The following CDH18 variants were observed in gnomAD, a reference collection of about 807,000 sequenced individuals.
CDH18 encodes cadherin-18.
In CDH18, 31 loss-of-function variants were observed where a neutral mutation model predicts 67.9. The observed-to-expected ratio is 0.46, with a 90% CI of 0.34 to 0.62. CDH18 has a LOEUF of 0.62. Ranked by LOEUF, CDH18 falls within the 20% of genes least tolerant of loss-of-function variation. The pLI, the probability that CDH18 is intolerant of heterozygous loss-of-function variation, is 0.01. For missense variants in CDH18, 890 were observed against 975.5 expected (o/e 0.91, Z 1.17); for synonymous variants, 362 against 347.2 (o/e 1.04, Z -0.48).
At chr5:19,919,166 ACCC>A (rs953723163) in intron 2 of CDH18, among the ~76,000 whole-genome samples, 16 of 151,944 alleles carry the variant, frequency 1.1e-4, no homozygotes, top group African/African-American at 3.6e-4. Context: ...AGGGAGCTGC[ACCC>A]CCACTACACA....
intron 2 of CDH18, among the ~76,000 whole-genome samples, chr5:19,886,666 A>C (rs1788245942): frequency 6.6e-6 from 1 of 152,134 alleles, no homozygotes; most frequent in Non-Finnish European, 1.5e-5. Flanking sequence ...GGGTGGCCAC[A>C]CTTGTTTCAA....
intron 5 of CDH18, among the ~76,000 whole-genome samples, chr5:19,612,834 C>T (rs1749211843): frequency 6.6e-6 from 1 of 152,132 alleles, no homozygotes. Flanking sequence ...TATCTCTCTG[C>T]ATTCCTTAAA....
intron 2 of CDH18, among the ~76,000 whole-genome samples, chr5:19,889,977 TC>T (rs1788614462): frequency 6.6e-6 from 1 of 152,126 alleles, no homozygotes; most frequent in Non-Finnish European, 1.5e-5. Context: ...CATCTAAGAA[TC>T]TTCTGAAGAT....
intron 5 of CDH18, among the ~76,000 whole-genome samples, chr5:19,682,504 G>A (rs556621141): frequency 1.2e-4 from 18 of 152,018 alleles, no homozygotes; most frequent in East Asian, 1.2e-3. Context: ...TCCCATTGCT[G>A]AGTCACAGAG....
At chr5:20,002,702 T>C (rs1279048255) in intron 2 of CDH18, among the ~76,000 whole-genome samples, 4 of 152,164 alleles carry the variant, frequency 2.6e-5, no homozygotes, top group African/African-American at 9.7e-5. Context: ...TTTGCGGAGA[T>C]ATCAATATGG....
intron 2 of CDH18, among the ~76,000 whole-genome samples, chr5:20,106,217 C>G (rs1947107980): frequency 6.6e-6 from 1 of 152,198 alleles, no homozygotes; most frequent in Non-Finnish European, 1.5e-5. Context: ...CTCCACAGCT[C>G]ACACTATCAT....
At chr5:20,283,408 C>T (rs1386054498) in intron 1 of CDH18, among the ~76,000 whole-genome samples, 1 of 151,924 alleles carries the variant, frequency 6.6e-6, no homozygotes, top group South Asian at 2.1e-4. Flanking sequence ...ATAGGAAAAA[C>T]ATCTTAGAAT....
At chr5:20,069,748 A>C (rs1470984050) in intron 2 of CDH18, among the ~76,000 whole-genome samples, 1 of 152,110 alleles carries the variant, frequency 6.6e-6, no homozygotes. Flanking sequence ...TTTTTAGAGC[A>C]GTTTTAGGTT....
At chr5:20,134,748 CT>C (rs1353375696) in intron 2 of CDH18, among the ~76,000 whole-genome samples, 2 of 152,110 alleles carry the variant, frequency 1.3e-5, no homozygotes, top group African/African-American at 2.4e-5. Context: ...TTATTTCCTC[CT>C]TCCTCCTTTT....
chr5:19,841,957 T>G (rs542639504), intron 2 of CDH18, among the ~76,000 whole-genome samples: 1 of 152,336 alleles, frequency 6.6e-6, no homozygotes, highest in East Asian at 1.9e-4. Context: ...ACTACAGCGC[T>G]TATGGAGATA....
intron 3 of CDH18, among the ~76,000 whole-genome samples, chr5:19,791,766 A>C (rs1343043839): frequency 6.6e-6 from 1 of 152,196 alleles, no homozygotes. Flanking sequence ...CAAACTCCGA[A>C]TGTGAATCAG....
intron 5 of CDH18, among the ~76,000 whole-genome samples, chr5:19,690,087 A>G (rs1761657131): frequency 2.0e-5 from 3 of 151,064 alleles, no homozygotes; most frequent in South Asian, 4.1e-4. Flanking sequence ...GTGTGTGTAT[A>G]TATATATATA....
chr5:19,563,375 A>T (rs1739791070), intron 8 of CDH18, among the ~76,000 whole-genome samples: 1 of 152,194 alleles, frequency 6.6e-6, no homozygotes, highest in South Asian at 2.1e-4. Context: ...AGTGTTGTGA[A>T]ACAGTTTATG....
chr5:20,287,223 TAAAG>T (rs901658611), intron 1 of CDH18, among the ~76,000 whole-genome samples: 2 of 151,746 alleles, frequency 1.3e-5, no homozygotes, highest in South Asian at 2.1e-4. Flanking sequence ...AAATAATACT[TAAAG>T]AAAGCATGTC....
intron 1 of CDH18, among the ~76,000 whole-genome samples, chr5:20,372,515 A>T (rs999572662): frequency 6.6e-6 from 1 of 152,114 alleles, no homozygotes; most frequent in Non-Finnish European, 1.5e-5. Context: ...GAAAGAGATT[A>T]AAAAAATAAA....
intron 2 of CDH18, among the ~76,000 whole-genome samples, chr5:20,217,182 A>G (rs561531818): frequency 6.6e-6 from 1 of 152,016 alleles, no homozygotes; most frequent in African/African-American, 2.4e-5. Flanking sequence ...TTAATGAGAA[A>G]TAAGAAATCA....
intron 11 of CDH18, among the ~76,000 whole-genome samples, chr5:19,484,853 T>G (rs746332338): frequency 2.0e-4 from 31 of 152,204 alleles, no homozygotes; most frequent in Admixed American, 4.6e-4. Flanking sequence ...AAATGCCAAT[T>G]CAACTCCAGG....
rs1752821751 is a variant in CDH18, at chr5:19,634,419, A to G, written c.644-21818T>C. Among the ~76,000 whole-genome samples, 3 of 152,156 alleles carry G rather than the reference A, an allele frequency of 2.0e-5. No individual in the cohort carries two copies. The South Asian group carries it at 6.2e-4, about 31-fold the overall frequency. On this transcript the variant is annotated intron_variant, in intron 5 of 12. Coordinates refer to ENST00000382275, the MANE Select transcript of CDH18 (RefSeq NM_004934.5). ...TATGGAAATTACTTCCCTACGACTC[A>G]ATTTCTTCCTTTAGAAAAATGTGGG...
intron 5 of CDH18, among the ~76,000 whole-genome samples, chr5:19,705,606 C>T (rs1342124814): frequency 6.6e-6 from 1 of 152,132 alleles, no homozygotes; most frequent in Non-Finnish European, 1.5e-5. Context: ...ACTCAGCATT[C>T]ACCTACTGGT....
Sources: gnomAD v4.1 joint callset for allele counts (sites outside exome capture counted in the v4.1 genomes callset) on GRCh38, gnomAD v4.1.1 for gene constraint, MANE v1.5 for transcripts, NCBI Gene and HGNC (gene_info 2026-07-23, HGNC 2026-07-21) for gene names.